Variants in RLN2 observed in about 807,000 individuals in gnomAD.
RLN2 encodes relaxin 2, also known as prorelaxin H2.
RLN2 carries 10 observed loss-of-function variants against 7.3 expected under a neutral mutation model. The observed-to-expected ratio is 1.36, with a 90% CI of 0.84 to 2.31. The LOEUF is 2.31. Ranked by LOEUF, RLN2 falls within the 30% of genes most tolerant of loss-of-function variation. The pLI, the probability that RLN2 is intolerant of heterozygous loss-of-function variation, is 0.00. For missense variants in RLN2, 298 were observed against 217.6 expected, an observed-to-expected ratio of 1.37 and a Z score of -2.32; for synonymous variants, 103 against 82.3, an observed-to-expected ratio of 1.25 and a Z score of -1.36.
chr9:5,301,565 G>A (rs1340864824), intron 1 of RLN2, among the ~76,000 whole-genome samples: 3 of 152,180 alleles, frequency 2.0e-5, no homozygotes, highest in Non-Finnish European at 2.9e-5. Context: ...ATCAGGTCTT[G>A]CTGCTCTTCT....
At chr9:5,307,241 TGATAGATAGATGATA>T (rs1816267724), upstream of RLN2, among the ~76,000 whole-genome samples, 1 of 147,028 alleles carries the variant, frequency 6.8e-6, no homozygotes, top group African/African-American at 2.6e-5. Context: ...GATAGATAGG[TGATAGATAGATGATA>T]GATAGATAGA....
upstream of RLN2, among the ~76,000 whole-genome samples, chr9:5,309,449 C>G (rs969781241): frequency 1.3e-5 from 2 of 151,964 alleles, no homozygotes; most frequent in Admixed American, 6.6e-5. Flanking sequence ...GAGCATTTTC[C>G]TTTCCCTCTT....
At chr9:5,329,218 G>C in the RLN2 span, among the ~76,000 whole-genome samples, 1 of 149,722 alleles carries the variant, frequency 6.7e-6, no homozygotes, top group Non-Finnish European at 1.5e-5. Context: ...CAGGAGAATG[G>C]CGTGAACCCG....
chr9:5,319,967 G>T, the RLN2 span, among the ~76,000 whole-genome samples: 1 of 150,064 alleles, frequency 6.7e-6, no homozygotes, highest in Non-Finnish European at 1.5e-5. Context: ...ATGCACTAAG[G>T]TTCATCCTCT....
At chr9:5,311,782 T>C in the RLN2 span, 1 of 753,412 alleles carries the variant, frequency 1.3e-6, no homozygotes, top group Non-Finnish European at 2.3e-6. Flanking sequence ...GATTTTTTTA[T>C]CAAGTTTTAT....
chr9:5,312,961 T>C, the RLN2 span, among the ~76,000 whole-genome samples: 1 of 152,068 alleles, frequency 6.6e-6, no homozygotes, highest in Non-Finnish European at 1.5e-5. Context: ...TGATTTCAAT[T>C]TTCTTAAATT....
Position 5,300,409 on chromosome 9 carries a change from T to C in RLN2, c.247A>G (p.Thr83Ala), listed in dbSNP as rs1466249435. 8.1e-6 allele frequency: 13 copies of C among 1,608,574 alleles called. No individual in the cohort carries two copies. In the South Asian group the frequency reaches 1.3e-4, roughly 17 times the overall value. Residue 83 changes from threonine (T) to alanine (A), a missense_variant, in exon 2 of 2, where the codon ACC becomes GCC. By Grantham distance (58) the Thr-to-Ala change is moderately conservative (BLOSUM62 0). Coordinates refer to ENST00000381627, the MANE Select transcript of RLN2 (RefSeq NM_134441.3). ...ACAAATTCTGACATCATATTTATGG[T>C]TTCTGTATCTTTGTTGATGAAGGAT... is the stretch of plus-strand genomic sequence containing the variant. ...VPSFINKDTE[T>A]INMMSEFVAN... is the part of the protein sequence containing the mutation.
upstream of RLN2, among the ~76,000 whole-genome samples, chr9:5,308,285 G>A (rs1409582325): frequency 6.6e-6 from 1 of 151,826 alleles, no homozygotes; most frequent in Non-Finnish European, 1.5e-5. Flanking sequence ...TAAGAGATTA[G>A]GAAAGATAAA....
the RLN2 span, among the ~76,000 whole-genome samples, chr9:5,312,354 C>T: frequency 6.6e-6 from 1 of 152,082 alleles, no homozygotes; most frequent in Non-Finnish European, 1.5e-5. Flanking sequence ...GCAATCTGGA[C>T]TTTCCAGTGA....
At chr9:5,310,975 A>T in the RLN2 span, among the ~76,000 whole-genome samples, 2 of 152,060 alleles carry the variant, frequency 1.3e-5, no homozygotes, top group Admixed American at 1.3e-4. Context: ...CTTGATTTAG[A>T]TCTGAGTGTT....
At chr9:5,320,281 C>T in the RLN2 span, among the ~76,000 whole-genome samples, 3 of 150,994 alleles carry the variant, frequency 2.0e-5, no homozygotes, top group Admixed American at 6.6e-5. Flanking sequence ...CCACCACACC[C>T]GGCAAACCTA....
At chr9:5,317,061 C>CA in the RLN2 span, among the ~76,000 whole-genome samples, 1 of 151,524 alleles carries the variant, frequency 6.6e-6, no homozygotes, top group Non-Finnish European at 1.5e-5. Context: ...AACCAGAAAA[C>CA]AAAAGATAAT....
chr9:5,311,630 G>A, the RLN2 span: 3 of 1,289,266 alleles, frequency 2.3e-6, no homozygotes, highest in South Asian at 2.4e-5. Flanking sequence ...AGCTGATGCT[G>A]GCAAGGAGGG....
the RLN2 span, among the ~76,000 whole-genome samples, chr9:5,333,805 A>G: frequency 6.6e-6 from 1 of 152,036 alleles, no homozygotes; most frequent in African/African-American, 2.4e-5. Flanking sequence ...GCAGCACATC[A>G]AAAAGCTTAT....
At chr9:5,334,982 T>A in the RLN2 span, 1 of 321,420 alleles carries the variant, frequency 3.1e-6, no homozygotes, top group South Asian at 8.9e-5. Flanking sequence ...GTGGCAAAGG[T>A]TTTATTGTAA....
At chr9:5,308,727 A>G (rs1350092784), upstream of RLN2, among the ~76,000 whole-genome samples, 4 of 152,122 alleles carry the variant, frequency 2.6e-5, no homozygotes, top group Non-Finnish European at 5.9e-5. Flanking sequence ...ATGGCCTCAC[A>G]TGGCCTGACC....
In RLN2 at chr9:5,299,975, A is replaced by G. The variant is rs1218048405; in HGVS notation, c.*123T>C. ...TTTAGATATTCTAAGAATTGATGGG[A>G]CCTAATATCTAACAAAGATTCTTAG... On this transcript the variant is annotated 3_prime_UTR_variant, in exon 2 of 2. Coordinates refer to ENST00000381627, the MANE Select transcript of RLN2 (RefSeq NM_134441.3). The G allele has an allele frequency of 6.9e-6, 4 of 579,836 alleles. No individual in the cohort carries two copies. Among genetic ancestry groups the G allele is most frequent in the Non-Finnish European group, 1.2e-5 (4 of 337,058 alleles). 35.9% of individuals were successfully genotyped at this position (579,836 alleles called of 1,614,324 possible).
the RLN2 span, among the ~76,000 whole-genome samples, chr9:5,323,052 C>G: frequency 6.6e-6 from 1 of 151,510 alleles, no homozygotes; most frequent in African/African-American, 2.4e-5. Flanking sequence ...TCATAGATAA[C>G]TTTTTCTCAC....
At chr9:5,329,279 C>G in the RLN2 span, among the ~76,000 whole-genome samples, 1 of 130,906 alleles carries the variant, frequency 7.6e-6, no homozygotes, top group Admixed American at 8.6e-5. Context: ...GTCCGCAGTC[C>G]GGCCTGGGCG....
Sources: gnomAD v4.1 joint callset for allele counts (sites outside exome capture counted in the v4.1 genomes callset) on GRCh38, gnomAD v4.1.1 for gene constraint, MANE v1.5 for transcripts, NCBI Gene and HGNC (gene_info 2026-07-23, HGNC 2026-07-21) for gene names.